PCDHGA3: variants seen among roughly 807,000 people sequenced by gnomAD.
PCDHGA3 encodes protocadherin gamma-A3.
A neutral mutation model predicts 58.5 loss-of-function variants in PCDHGA3; 40 were observed. The observed-to-expected ratio is 0.68, with a 90% confidence interval of 0.53 to 0.89. The LOEUF is 0.89. Among genes scored for constraint, PCDHGA3 ranks in the 40% least tolerant of loss-of-function variants. The pLI is 0.00. For synonymous variants in PCDHGA3, 530 were observed against 525.7 expected, an observed-to-expected ratio of 1.01 and a Z score of -0.11; for missense variants, 1,223 against 1,195.9, an observed-to-expected ratio of 1.02 and a Z score of -0.33.
chr5:141,418,360 G>T (rs544948410), intron 1 of PCDHGA3: 4 of 1,613,990 alleles, frequency 2.5e-6, no homozygotes, highest in Non-Finnish European at 3.4e-6. Flanking sequence ...TGAATTCGCT[G>T]AGCAAATACC....
chr5:141,350,092 G>T (rs1057336491), intron 1 of PCDHGA3: 2 of 457,886 alleles, frequency 4.4e-6, no homozygotes, highest in African/African-American at 2.0e-5. Flanking sequence ...GGAGCGTCAG[G>T]CAGGGTGCCT....
At chr5:141,408,513 T>C in intron 1 of PCDHGA3, 2 of 1,614,034 alleles carry the variant, frequency 1.2e-6, no homozygotes, top group East Asian at 4.5e-5. Context: ...AGATGTGAGT[T>C]GCAATTGGAA....
Position 141,384,271 on chromosome 5 carries a change from T to G in PCDHGA3, c.2424+37814T>G, listed in dbSNP as rs763450732. On this transcript the variant is annotated intron_variant, in intron 1 of 3. Coordinates refer to ENST00000253812, the MANE Select transcript of PCDHGA3 (RefSeq NM_018916.4). ...ACCCACCTTCCCCCACTCATCCTAC[T>G]CAGTCTACATCGCTGAGAACAACCC... is the stretch of plus-strand genomic sequence containing the variant. The G allele has an allele frequency of 4.0e-5, 65 of 1,613,734 alleles. No individual in the cohort carries two copies. The Admixed American group carries it at 5.7e-4, about 14-fold the overall frequency.
chr5:141,365,547 C>A, intron 1 of PCDHGA3: 1 of 1,613,738 alleles, frequency 6.2e-7, no homozygotes, highest in Non-Finnish European at 8.5e-7. Flanking sequence ...CACCTATTAA[C>A]AACTAGGGAC....
chr5:141,432,946 A>G lies in PCDHGA3; in HGVS notation c.2425-61861A>G. 2 of 1,614,130 alleles carry G rather than the reference A, an allele frequency of 1.2e-6. No individual in the cohort carries two copies. The highest frequency in any genetic ancestry group is 1.1e-5 in the South Asian group (1 of 91,080). ...AGTCACGCCTGCTGCAGGCTTCAGG[A>G]GGCGGCTTGACAGGAGCGCCGGCGT... is the stretch of plus-strand genomic sequence containing the variant. On this transcript the variant is annotated intron_variant, in intron 1 of 3. Coordinates refer to ENST00000253812, the MANE Select transcript of PCDHGA3 (RefSeq NM_018916.4). This position sits in a 1 kb window ranked among gnomAD's most constrained non-coding sequence, Gnocchi z 6.0.
chr5:141,389,628 C>T (rs2091851910), intron 1 of PCDHGA3: 1 of 1,613,000 alleles, frequency 6.2e-7, no homozygotes, highest in Non-Finnish European at 8.5e-7. Context: ...CGCTGCAGAG[C>T]CTGGCTACTT....
intron 1 of PCDHGA3, chr5:141,403,402 A>T: frequency 6.2e-7 from 1 of 1,614,076 alleles, no homozygotes; most frequent in Non-Finnish European, 8.5e-7. Flanking sequence ...TTCCTGGAGC[A>T]CGTTATCCAC....
At chr5:141,414,026 C>A in intron 1 of PCDHGA3, 1 of 1,612,468 alleles carries the variant, frequency 6.2e-7, no homozygotes, top group Non-Finnish European at 8.5e-7. Flanking sequence ...GTGACATATT[C>A]ATTCCGAAAA....
rs532675537 is a variant in PCDHGA3, at chr5:141,508,584, T to C, written c.2573-2363T>C. Among the ~76,000 whole-genome samples, 87 of 152,266 alleles carry C rather than the reference T, an allele frequency of 5.7e-4. 1 individual carries two copies. Among genetic ancestry groups the C allele is most frequent in the African/African-American group, 1.6e-3 (66 of 41,552 alleles). On this transcript the variant is annotated intron_variant, in intron 3 of 3. Coordinates refer to ENST00000253812, the MANE Select transcript of PCDHGA3 (RefSeq NM_018916.4). The stretch of plus-strand genomic sequence containing the variant: ...TGTCACTTGCACCCACTCGGGGTGC[T>C]ACTCAGAGATCTTGGGTGCACATAG...
chr5:141,374,474 C>G (rs762306215), intron 1 of PCDHGA3: 1 of 1,612,258 alleles, frequency 6.2e-7, no homozygotes, highest in Middle Eastern at 1.7e-4. Context: ...TGACAATACA[C>G]CCCGATTCTT....
intron 1 of PCDHGA3, among the ~76,000 whole-genome samples, chr5:141,406,188 T>C (rs1313997032): frequency 6.6e-6 from 1 of 151,612 alleles, no homozygotes; most frequent in African/African-American, 2.4e-5. Flanking sequence ...TCCTCCCACC[T>C]CAGCCTTCAC....
chr5:141,375,043 A>G, intron 1 of PCDHGA3: 1 of 1,614,056 alleles, frequency 6.2e-7, no homozygotes, highest in Non-Finnish European at 8.5e-7. Context: ...TGGGTGTTGA[A>G]GCCCGGGATG....
intron 1 of PCDHGA3, chr5:141,394,466 C>T (rs765078363): frequency 1.2e-6 from 2 of 1,614,222 alleles, no homozygotes; most frequent in Non-Finnish European, 8.5e-7. Flanking sequence ...TGAGCCTGTT[C>T]GTGCTGGACC....
At chr5:141,445,282 T>G (rs1023693067) in intron 1 of PCDHGA3, among the ~76,000 whole-genome samples, 4 of 152,220 alleles carry the variant, frequency 2.6e-5, no homozygotes, top group Non-Finnish European at 5.9e-5. Context: ...TCTGCATAAG[T>G]TCAGGCTTCC....
chr5:141,410,524 T>A, intron 1 of PCDHGA3: 1 of 1,613,954 alleles, frequency 6.2e-7, no homozygotes. Context: ...TGCCCCTACA[T>A]TCCAATGAAG....
intron 1 of PCDHGA3, chr5:141,423,653 G>A: frequency 6.3e-7 from 1 of 1,578,174 alleles, no homozygotes. Context: ...GACCCGACAA[G>A]TAATCAGGTG....
At chr5:141,449,212 GT>G (rs1405401595) in intron 1 of PCDHGA3, among the ~76,000 whole-genome samples, 1 of 152,134 alleles carries the variant, frequency 6.6e-6, no homozygotes, top group African/African-American at 2.4e-5. Context: ...CTAACTTTCT[GT>G]TTTGAAATGA....
At chr5:141,500,672 C>A (rs2099801937) in intron 2 of PCDHGA3, among the ~76,000 whole-genome samples, 1 of 152,156 alleles carries the variant, frequency 6.6e-6, no homozygotes, top group South Asian at 2.1e-4. Context: ...TACTGTCCAA[C>A]AGAATTATAG....
rs540403118 is a variant in PCDHGA3, at chr5:141,365,112, T to C, written c.2424+18655T>C. The C allele has an allele frequency of 6.2e-6, 10 of 1,613,770 alleles. No individual in the cohort carries two copies. The highest frequency in any genetic ancestry group is 7.6e-6 in the Non-Finnish European group (9 of 1,179,884). On this transcript the variant is annotated intron_variant, in intron 1 of 3. Coordinates refer to ENST00000253812, the MANE Select transcript of PCDHGA3 (RefSeq NM_018916.4). ...GAGAACATACCTGTGGGCACTCGGC[T>C]GCTCATGCTAACCGCCACGGATCCA...
Sources: allele counts gnomAD v4.1 joint callset (sites outside exome capture counted in the v4.1 genomes callset), GRCh38; gene constraint gnomAD v4.1.1; non-coding constraint Gnocchi (gnomAD v3.1); transcripts MANE v1.5; gene names NCBI Gene and HGNC (gene_info 2026-07-23, HGNC 2026-07-21).